BBS9: variants seen among roughly 807,000 people sequenced by gnomAD.
BBS9 encodes Bardet-Biedl syndrome 9, also known as protein PTHB1.
Under a neutral mutation model 117.7 loss-of-function variants are expected in BBS9, and 89 were observed. The observed-to-expected ratio is 0.76, with a 90% CI of 0.64 to 0.90. The LOEUF is 0.90. Ranked by LOEUF, BBS9 falls within the 40% of genes least tolerant of loss-of-function variation. BBS9 has a pLI of 0.00. For missense variants in BBS9, 982 were observed against 1,042.2 expected (o/e 0.94, Z 0.80); for synonymous variants, 379 against 370.9 (o/e 1.02, Z -0.25).
chr7:33,418,116 T>C (rs1473947281), intron 19 of BBS9, among the ~76,000 whole-genome samples: 1 of 152,200 alleles, frequency 6.6e-6, no homozygotes, highest in Non-Finnish European at 1.5e-5. Flanking sequence ...CTTGGCATCT[T>C]GGGAGGAAAT....
chr7:33,234,623 CTATT>C (rs1793126072), intron 5 of BBS9, among the ~76,000 whole-genome samples: 1 of 151,950 alleles, frequency 6.6e-6, no homozygotes, highest in Non-Finnish European at 1.5e-5. Context: ...CCCTTGAAAT[CTATT>C]TATCATCTAT....
intron 20 of BBS9, among the ~76,000 whole-genome samples, chr7:33,527,127 T>A (rs1849670900): frequency 1.3e-5 from 2 of 151,976 alleles, no homozygotes; most frequent in South Asian, 2.1e-4. Context: ...AGCTGCGTAC[T>A]GGGAGAACCG....
At chr7:33,562,707 C>G (rs866340121) in intron 21 of BBS9, among the ~76,000 whole-genome samples, 1 of 152,120 alleles carries the variant, frequency 6.6e-6, no homozygotes, top group South Asian at 2.1e-4. Flanking sequence ...GGGTGGACCA[C>G]GAGGTCAGGA....
chr7:33,238,540 C>T (rs561408012), intron 5 of BBS9, among the ~76,000 whole-genome samples: 33 of 152,170 alleles, frequency 2.2e-4, no homozygotes, highest in African/African-American at 6.3e-4. Flanking sequence ...GTTATCTGCC[C>T]GCTTCAGCCT....
At chr7:33,167,824 C>G (rs533837265) in intron 4 of BBS9, among the ~76,000 whole-genome samples, 1 of 152,192 alleles carries the variant, frequency 6.6e-6, no homozygotes, top group South Asian at 2.1e-4. Flanking sequence ...ATACCATACT[C>G]TAGGATTTTG....
chr7:33,618,785 A>C (rs971187474), intron 21 of BBS9, among the ~76,000 whole-genome samples: 1 of 152,158 alleles, frequency 6.6e-6, no homozygotes, highest in African/African-American at 2.4e-5. Flanking sequence ...AGCTTAAAAT[A>C]GACTTATAAC....
chr7:33,354,749 T>C (rs1487330769), intron 15 of BBS9, among the ~76,000 whole-genome samples: 1 of 152,098 alleles, frequency 6.6e-6, no homozygotes, highest in Non-Finnish European at 1.5e-5. Context: ...CCAGATGTAA[T>C]TAGAAGTCTC....
intron 9 of BBS9, among the ~76,000 whole-genome samples, chr7:33,284,836 G>C (rs1020093851): frequency 6.6e-6 from 1 of 152,122 alleles, no homozygotes; most frequent in Non-Finnish European, 1.5e-5. Flanking sequence ...GTCTACAGTG[G>C]AAGATTTTTT....
intron 5 of BBS9, among the ~76,000 whole-genome samples, chr7:33,189,195 T>C (rs73319407): frequency 0.11 from 16,164 of 151,976 alleles, 979 homozygotes; most frequent in African/African-American, 0.16. Context: ...TATTTGTTTT[T>C]TTTTGTAGTG....
In BBS9 at chr7:33,180,910, ACT is replaced by A. The variant is rs1390789770; in HGVS notation, c.442+3322_442+3323del. On this transcript the variant is annotated intron_variant, in intron 5 of 22. Transcript: ENST00000242067. ...CCTCACATACCGTGGCGACCAGGTA[ACT>A]CTGTGCACAGAGCGAGGTAAGAAAC... Among the ~76,000 whole-genome samples, 5 of 151,810 alleles carry A rather than the reference ACT, an allele frequency of 3.3e-5. No homozygotes were observed. In the East Asian group the frequency reaches 1.0e-3, roughly 31 times the overall value.
In BBS9 at chr7:33,367,748, T is replaced by C; in HGVS notation, c.1694-19T>C. 1.2e-6 allele frequency: 2 copies of C among 1,611,146 alleles called. No individual in the cohort carries two copies. Among genetic ancestry groups the C allele is most frequent in the Non-Finnish European group, 1.7e-6 (2 of 1,177,396 alleles). Reference sequence around the variant, plus strand: ...TTGCCTTCTGGTTACATAAGGTGATTTCTCTCTTTTCTTTGTAGGTTTTGC... The same window carrying C: ...TTGCCTTCTGGTTACATAAGGTGATCTCTCTCTTTTCTTTGTAGGTTTTGC... On this transcript the variant is annotated intron_variant, in intron 16 of 22. Coordinates refer to ENST00000242067, the MANE Select transcript of BBS9 (RefSeq NM_198428.3).
At chr7:33,625,358 C>G (rs1050122357) in intron 21 of BBS9, among the ~76,000 whole-genome samples, 1 of 152,088 alleles carries the variant, frequency 6.6e-6, no homozygotes, top group African/African-American at 2.4e-5. Flanking sequence ...ATTATAGCAC[C>G]TACTCATCTT....
chr7:33,387,854 T>G (rs1446911754), intron 18 of BBS9, 138 bp from the exon 19 acceptor site: 4 of 944,002 alleles, frequency 4.2e-6, no homozygotes, highest in Non-Finnish European at 4.9e-6. Flanking sequence ...AATACCACAT[T>G]GTTTTAATTC....
intron 7 of BBS9, 24 bp downstream of exon 7, chr7:33,264,398 A>C: frequency 7.1e-7 from 1 of 1,407,282 alleles, no homozygotes; most frequent in Non-Finnish European, 9.9e-7. Context: ...TTAATATATA[A>C]AAATTTCAAT....
chr7:33,363,952 T>A lies in BBS9; in HGVS notation c.1694-3815T>A, dbSNP rs371014209. Among the ~76,000 whole-genome samples, 8 of 99,756 alleles carry A rather than the reference T, an allele frequency of 8.0e-5. 1 individual carries two copies. The East Asian group carries it at 2.0e-3, about 25-fold the overall frequency. 65.4% of individuals were successfully genotyped at this position (99,756 alleles called of 152,430 possible). On this transcript the variant is annotated intron_variant, in intron 16 of 22. Transcript: ENST00000242067. ...TATTTTTATTTTTTTTTTTATTTTT[T>A]ATTTTTTTTTTTTTGAGACGGAGTC... is the stretch of plus-strand genomic sequence containing the variant.
chr7:33,182,474 A>C (rs1798232042), intron 5 of BBS9, among the ~76,000 whole-genome samples: 1 of 152,236 alleles, frequency 6.6e-6, no homozygotes, highest in Non-Finnish European at 1.5e-5. Context: ...AACAATTTTC[A>C]AGAGTCAAAG....
chr7:33,470,560 C>T (rs1480074602), intron 19 of BBS9, among the ~76,000 whole-genome samples: 1 of 152,062 alleles, frequency 6.6e-6, no homozygotes, highest in Non-Finnish European at 1.5e-5. Flanking sequence ...TTGATATGTA[C>T]GATGCCAACG....
rs761802137 is a variant in BBS9, at chr7:33,257,422, T to A, written c.617+12T>A. On this transcript the variant is annotated intron_variant, in intron 6 of 22. Transcript: ENST00000242067. ...GTGGAAAGTTATAAGTAAGTTTGGA[T>A]GTTAAGTCTTCAGAATCATGATTTT... The A allele has an allele frequency of 6.2e-7, 1 of 1,612,992 alleles. No homozygotes were observed. The highest frequency in any genetic ancestry group is 2.2e-5 in the East Asian group (1 of 44,846).
chr7:33,383,425 G>C (rs1162671614), intron 17 of BBS9, among the ~76,000 whole-genome samples: 1 of 152,114 alleles, frequency 6.6e-6, no homozygotes, highest in Non-Finnish European at 1.5e-5. Flanking sequence ...TAACAAAAAG[G>C]ACCATGCTTT....
Sources: gnomAD v4.1 joint callset for allele counts (sites outside exome capture counted in the v4.1 genomes callset) on GRCh38, gnomAD v4.1.1 for gene constraint, MANE v1.5 for transcripts, NCBI Gene and HGNC (gene_info 2026-07-23, HGNC 2026-07-21) for gene names.